Variants in GRTP1 observed in about 807,000 individuals in gnomAD.
GRTP1 encodes the protein growth hormone regulated TBC protein 1, also known as growth hormone-regulated TBC protein 1.
A neutral mutation model predicts 38.1 loss-of-function variants in GRTP1; 56 were observed. That is an observed-to-expected ratio of 1.47 (90% CI 1.19 to 1.84). The LOEUF (loss-of-function observed/expected upper bound fraction) is 1.84. Ranked by LOEUF, GRTP1 falls within the 40% of genes most tolerant of loss-of-function variation. The pLI is 0.00. For synonymous variants in GRTP1, 217 were observed against 189.5 expected (o/e 1.14, Z -1.19); for missense variants, 506 against 453.9 (o/e 1.11, Z -1.04).
rs2042823130 is a variant in GRTP1, at chr13:113,329,368, A to G, written c.563-3277T>C. On this transcript the variant is annotated intron_variant, in intron 5 of 7. Transcript: ENST00000375431. ...TGAGACGGGTAGATCACCTGAGGTCAGAAGTTTGAGACTAGCCGGGCCAAC... is the reference window on the plus strand; with the variant it reads ...TGAGACGGGTAGATCACCTGAGGTCGGAAGTTTGAGACTAGCCGGGCCAAC... 2.0e-5 allele frequency among the ~76,000 whole-genome samples: 3 copies of G among 152,178 alleles called. No homozygotes were observed. The South Asian group carries it at 6.2e-4, about 32-fold the overall frequency.
chr13:113,352,250 A>C (rs1261619716), intron 3 of GRTP1, among the ~76,000 whole-genome samples: 3 of 86,334 alleles, frequency 3.5e-5, no homozygotes, highest in African/African-American at 1.3e-4. Flanking sequence ...ATATTTATAT[A>C]TATTTATATA....
At chr13:113,324,696 C>T in intron 7 of GRTP1, 119 bp from the exon 8 acceptor site, 1 of 1,473,864 alleles carries the variant, frequency 6.8e-7, no homozygotes, top group Non-Finnish European at 9.0e-7. Flanking sequence ...CAGTCCACAT[C>T]CAAGGGCTTC....
At chr13:113,340,444 A>T (rs893469556) in intron 5 of GRTP1, among the ~76,000 whole-genome samples, 1 of 151,872 alleles carries the variant, frequency 6.6e-6, no homozygotes, top group Admixed American at 6.6e-5. Flanking sequence ...ACACCACTGC[A>T]CTCCAGCCTG....
At chr13:113,361,266 T>C (rs2139546081) in intron 2 of GRTP1, among the ~76,000 whole-genome samples, 1 of 145,354 alleles carries the variant, frequency 6.9e-6, no homozygotes, top group African/African-American at 2.6e-5. Context: ...TGTAAAATAA[T>C]TGCAAAGGAG....
intron 4 of GRTP1, among the ~76,000 whole-genome samples, chr13:113,346,070 GCGGC>G (rs1477917625): frequency 0.015 from 1,341 of 90,816 alleles, 346 homozygotes; most frequent in African/African-American, 0.017. Context: ...GAGGACCTCT[GCGGC>G]TGAGCAGACC....
Position 113,324,220 on chromosome 13 carries a change from A to AGAT in GRTP1, c.*265_*267dup, listed in dbSNP as rs3833807. The stretch of plus-strand genomic sequence containing the variant: ...AACACAGGTGTTGGCATACTTTATT[A>AGAT]GATACAAACCCACACTCACATTTTA... On this transcript the variant is annotated 3_prime_UTR_variant, in exon 8 of 8. Transcript: ENST00000375431. 0.032 allele frequency: 13,046 copies of AGAT among 406,098 alleles called. 914 individuals carry two copies. The highest frequency in any genetic ancestry group is 0.16 in the African/African-American group (7,725 of 47,636). 25.2% of individuals were successfully genotyped at this position (406,098 alleles called of 1,614,324 possible). A position where few individuals can be genotyped will look rare whatever the true frequency, so the allele number is the denominator to read the frequency against.
intron 4 of GRTP1, among the ~76,000 whole-genome samples, chr13:113,346,136 G>C (rs544400508): frequency 8.1e-6 from 1 of 122,718 alleles, no homozygotes; most frequent in Non-Finnish European, 1.8e-5. Context: ...CTGTGGACAA[G>C]AGCAGACCCG....
In GRTP1 at chr13:113,326,042, G is replaced by C. The variant is rs1429423706; in HGVS notation, c.612C>G (p.Leu204=). 1 of 1,613,036 alleles carries C rather than the reference G, an allele frequency of 6.2e-7. No homozygotes were observed. The highest frequency in any genetic ancestry group is 1.7e-5 in the Admixed American group (1 of 60,000). Residue 204 remains leucine, a synonymous_variant, in exon 6 of 8, where the codon CTC becomes CTG. Transcript: ENST00000375431. ...GCAGCTTCGCCCGCACCAGCTCCCC[G>C]AGGACCTCCTGGTCGGTCTTCAGGC... ...MLGLKTDQEV[L]GELVRAKLPA...
chr13:113,355,453 C>T lies in GRTP1; in HGVS notation c.210G>A (p.Pro70=). ...TVKRYVRKGV[P]LEHRARVWMV... is the part of the protein sequence containing the mutation. ...TCCAGACGCGGGCACGGTGCTCCAGCGGGACCCCTTTCCGGACATAGCGCT... is the reference window on the plus strand; with the variant it reads ...TCCAGACGCGGGCACGGTGCTCCAGTGGGACCCCTTTCCGGACATAGCGCT... The change falls in exon 3 of 8, where the codon CCG becomes CCA. Residue 70 remains proline (P), a synonymous_variant. Transcript: ENST00000375431. 1 of 1,613,294 alleles carries T rather than the reference C, an allele frequency of 6.2e-7. No homozygotes were observed. The highest frequency in any genetic ancestry group is 8.5e-7 in the Non-Finnish European group (1 of 1,179,498).
chr13:113,358,038 C>T (rs955419631), intron 2 of GRTP1, among the ~76,000 whole-genome samples: 4 of 151,972 alleles, frequency 2.6e-5, no homozygotes, highest in East Asian at 1.9e-4. Flanking sequence ...AAAAATTAGC[C>T]GGGCGTGGTG....
At chr13:113,329,411 C>T (rs1478568280) in intron 5 of GRTP1, among the ~76,000 whole-genome samples, 2 of 152,018 alleles carry the variant, frequency 1.3e-5, no homozygotes, top group South Asian at 4.2e-4. Context: ...AAACCCATCT[C>T]TACTAAAAAT....
chr13:113,327,685 T>C (rs1241665581), intron 5 of GRTP1, among the ~76,000 whole-genome samples: 1 of 152,264 alleles, frequency 6.6e-6, no homozygotes, highest in Non-Finnish European at 1.5e-5. Context: ...ATCCTTGTTC[T>C]GCACCTGCCA....
chr13:113,326,123 A>G, intron 5 of GRTP1, 32 bp from the exon 6 acceptor site: 1 of 1,599,650 alleles, frequency 6.3e-7, no homozygotes, highest in East Asian at 2.2e-5. Context: ...AGACCCCGAG[A>G]CACTCCCGTC....
At chr13:113,360,107 C>T (rs979060824) in intron 2 of GRTP1, 6 of 152,116 alleles carry the variant, frequency 3.9e-5, no homozygotes, top group African/African-American at 9.7e-5. Flanking sequence ...TGTTAATATT[C>T]TAAGCCACCA....
chr13:113,326,694 T>G (rs1489190360), intron 5 of GRTP1, among the ~76,000 whole-genome samples: 2 of 151,958 alleles, frequency 1.3e-5, no homozygotes, highest in African/African-American at 4.8e-5. Flanking sequence ...AACAAAAATC[T>G]GCAGGTGGAA....
rs748932612 is a variant in GRTP1, at chr13:113,325,805, C to A, written c.777G>T (p.Ser259=). The part of the protein sequence containing the change: ...RIWDCLFNEG[S]KIIFRVALTL... Reference sequence around the variant, plus strand: ...TCAGGGCCACCCGGAAGATAATCTTCGAGCCTTCGTTAAACAAACAGTCCC... The same window carrying A: ...TCAGGGCCACCCGGAAGATAATCTTAGAGCCTTCGTTAAACAAACAGTCCC... Residue 259 remains serine (S), a synonymous_variant, in exon 7 of 8, where the codon TCG becomes TCT. Transcript: ENST00000375431. 7.4e-6 allele frequency: 12 copies of A among 1,614,130 alleles called. No individual in the cohort carries two copies. Among genetic ancestry groups the A allele is most frequent in the Non-Finnish European group, 1.0e-5 (12 of 1,180,000 alleles).
intron 5 of GRTP1, chr13:113,339,323 T>A (rs1028405224): frequency 1.3e-5 from 2 of 152,236 alleles, no homozygotes; most frequent in Non-Finnish European, 2.9e-5. Flanking sequence ...TTTACTTTGC[T>A]TATGATGTCT....
chr13:113,326,136 C>T lies in GRTP1; in HGVS notation c.563-45G>A, dbSNP rs201082028. 45 of 1,593,980 alleles carry T rather than the reference C, an allele frequency of 2.8e-5. No homozygotes were observed. The East Asian group carries it at 9.4e-4, about 33-fold the overall frequency. On this transcript the variant is annotated intron_variant, in intron 5 of 7. Transcript: ENST00000375431. ...AAAGACCCCGAGACACTCCCGTCAC[C>T]TCCACAAGCCCCATTCCCCTCAGAG...
intron 5 of GRTP1, among the ~76,000 whole-genome samples, chr13:113,330,634 AGGTGTGTGC>A (rs2042851505): frequency 6.8e-5 from 8 of 118,362 alleles, no homozygotes; most frequent in East Asian, 3.1e-4. Context: ...ATGGGAGCCC[AGGTGTGTGC>A]ATGGGAGCCC....
Sources: gnomAD v4.1 joint callset for allele counts (sites outside exome capture counted in the v4.1 genomes callset) on GRCh38, gnomAD v4.1.1 for gene constraint, MANE v1.5 for transcripts, NCBI Gene and HGNC (gene_info 2026-07-23, HGNC 2026-07-21) for gene names.